The following MED12L variants were observed in gnomAD, a reference collection of about 807,000 sequenced individuals.
The protein encoded by MED12L is mediator complex subunit 12L.
MED12L carries 60 observed loss-of-function variants against 281.3 expected under a neutral mutation model. The observed-to-expected ratio is 0.21, with a 90% CI of 0.17 to 0.26. The LOEUF (loss-of-function observed/expected upper bound fraction) is 0.26, where lower values mean the gene tolerates loss of function less well. Among genes scored for constraint, MED12L ranks in the 10% least tolerant of loss-of-function variants. The probability of loss-of-function intolerance (pLI) is 1.00; values close to 1 mark genes in which losing one functional copy is unlikely to be tolerated. For synonymous variants in MED12L, 974 were observed against 987.2 expected (o/e 0.99, Z 0.25); for missense variants, 2,146 against 2,680.9 (o/e 0.80, Z 4.41).
chr3:151,193,849 G>T, intron 16 of MED12L, 183 bp downstream of exon 16: 1 of 472,578 alleles, frequency 2.1e-6, no homozygotes, highest in Non-Finnish European at 3.7e-6. Context: ...GTCCGAATTT[G>T]TAGTGATATT....
intron 16 of MED12L, among the ~76,000 whole-genome samples, chr3:151,347,724 AT>A (rs1752704595): frequency 6.6e-6 from 1 of 152,192 alleles, no homozygotes; most frequent in Non-Finnish European, 1.5e-5. Flanking sequence ...TAGCATGTGA[AT>A]TAACAGTAGT....
chr3:151,305,170 C>G (rs1001585326), intron 16 of MED12L, among the ~76,000 whole-genome samples: 1 of 152,156 alleles, frequency 6.6e-6, no homozygotes, highest in African/African-American at 2.4e-5. Context: ...CAGGGTGTTG[C>G]AAGGAAGATT....
intron 2 of MED12L, among the ~76,000 whole-genome samples, chr3:151,115,721 C>CT (rs1407826898): frequency 6.6e-5 from 10 of 151,526 alleles, no homozygotes; most frequent in African/African-American, 2.4e-4. Flanking sequence ...CTTTTTCTAA[C>CT]TTATAAGTAA....
intron 36 of MED12L, among the ~76,000 whole-genome samples, chr3:151,386,776 A>ATC (rs1402385061): frequency 5.9e-5 from 9 of 151,902 alleles, no homozygotes; most frequent in African/African-American, 2.2e-4. Flanking sequence ...GAGTTTCACC[A>ATC]TCTTGGCCAG....
chr3:151,178,181 A>AAAAAAAAAAAG lies in MED12L; in HGVS notation c.1495-7146_1495-7145insAAAAAAAGAAA, dbSNP rs1560124057. Among the ~76,000 whole-genome samples, 82 of 149,410 alleles carry AAAAAAAAAAAG rather than the reference A, an allele frequency of 5.5e-4. 1 individual carries two copies. Among genetic ancestry groups the AAAAAAAAAAAG allele is most frequent in the African/African-American group, 2.0e-3 (80 of 39,744 alleles). ...TCAAAAAAAAAAAAAAAAAAAAAAA[A>AAAAAAAAAAAG]AAAGAAAGTGCCAATATGAAAAGCT... On this transcript the variant is annotated intron_variant, in intron 11 of 44. Coordinates refer to ENST00000687756, the MANE Select transcript of MED12L (RefSeq NM_001393769.1).
intron 16 of MED12L, among the ~76,000 whole-genome samples, chr3:151,247,085 T>C (rs1012066262): frequency 3.3e-5 from 5 of 152,210 alleles, no homozygotes; most frequent in East Asian, 1.9e-4. Context: ...ACCAGTTAGA[T>C]TGGCAATAAT....
chr3:151,216,579 G>A (rs1728273373), intron 16 of MED12L, among the ~76,000 whole-genome samples: 1 of 152,104 alleles, frequency 6.6e-6, no homozygotes, highest in Non-Finnish European at 1.5e-5. Context: ...TGATAGACTT[G>A]ATTTTGCCAG....
At chr3:151,281,626 T>C (rs1455462537) in intron 16 of MED12L, among the ~76,000 whole-genome samples, 2 of 152,150 alleles carry the variant, frequency 1.3e-5, no homozygotes, top group Non-Finnish European at 2.9e-5. Flanking sequence ...GTGTTTTGAT[T>C]TATGCTAAAT....
chr3:151,355,071 G>C (rs532506798), intron 17 of MED12L, 50 bp from the exon 18 acceptor site: 15 of 1,368,992 alleles, frequency 1.1e-5, no homozygotes, highest in Non-Finnish European at 1.6e-5. Flanking sequence ...TAAAAATGTC[G>C]AGAGCTTCTA....
intron 16 of MED12L, among the ~76,000 whole-genome samples, chr3:151,243,607 C>T (rs1734716907): frequency 6.6e-6 from 1 of 151,712 alleles, no homozygotes; most frequent in Non-Finnish European, 1.5e-5. Flanking sequence ...AAAAGAGCTC[C>T]TGAAGGAAGC....
At chr3:151,277,759 G>A (rs981127528) in intron 16 of MED12L, among the ~76,000 whole-genome samples, 1 of 152,130 alleles carries the variant, frequency 6.6e-6, no homozygotes, top group Non-Finnish European at 1.5e-5. Context: ...CAATTTAAAG[G>A]CATTTTATTT....
At chr3:151,328,550 A>G in intron 16 of MED12L, 3 of 1,613,896 alleles carry the variant, frequency 1.9e-6, no homozygotes, top group Non-Finnish European at 2.5e-6. Context: ...GAACAAAAAG[A>G]ACCAGATGAA....
At position 151,226,878 on chromosome 3, in the gene MED12L, G is replaced by A. The variant is rs78209248; in HGVS notation, c.2250+33212G>A. 5.7e-3 allele frequency among the ~76,000 whole-genome samples: 871 copies of A among 152,274 alleles called. 13 individuals are homozygous for A. Among genetic ancestry groups the A allele is most frequent in the African/African-American group, 0.02 (829 of 41,540 alleles). On this transcript the variant is annotated intron_variant, in intron 16 of 44. Transcript: ENST00000687756. ...ATACAGAGTCGGACTATCATGAATG[G>A]TGATTACAACAGGTAACGTTAACCT...
chr3:151,301,663 A>G (rs1187819805), intron 16 of MED12L, among the ~76,000 whole-genome samples: 1 of 152,228 alleles, frequency 6.6e-6, no homozygotes, highest in Non-Finnish European at 1.5e-5. Context: ...GAACATCATC[A>G]GTCAGTAGGG....
chr3:151,299,486 C>T (rs936055258), intron 16 of MED12L, among the ~76,000 whole-genome samples: 2 of 139,020 alleles, frequency 1.4e-5, no homozygotes, highest in African/African-American at 2.7e-5. Flanking sequence ...TCCTTTCTTC[C>T]TTTTTTTTCT....
chr3:151,358,301 G>T (rs1291772251), intron 20 of MED12L, among the ~76,000 whole-genome samples: 1 of 152,086 alleles, frequency 6.6e-6, no homozygotes, highest in Non-Finnish European at 1.5e-5. Context: ...TCAGGAAATA[G>T]AGAATTATTT....
intron 16 of MED12L, among the ~76,000 whole-genome samples, chr3:151,349,038 T>G (rs1041400322): frequency 1.8e-4 from 28 of 152,166 alleles, no homozygotes; most frequent in African/African-American, 6.5e-4. Flanking sequence ...AAAATATACA[T>G]AGAGTAAGAA....
chr3:151,112,768 C>T (rs1317072965), intron 2 of MED12L, among the ~76,000 whole-genome samples: 4 of 151,896 alleles, frequency 2.6e-5, no homozygotes, highest in Non-Finnish European at 4.4e-5. Context: ...GTTGAGTGCC[C>T]CTACTCTGGG....
intron 16 of MED12L, among the ~76,000 whole-genome samples, chr3:151,335,050 A>G (rs1239915580): frequency 6.6e-6 from 1 of 152,146 alleles, no homozygotes; most frequent in Admixed American, 6.5e-5. Flanking sequence ...TACACGTGAT[A>G]TTTCATGTAA....
Sources: allele counts gnomAD v4.1 joint callset (sites outside exome capture counted in the v4.1 genomes callset), GRCh38; gene constraint gnomAD v4.1.1; transcripts MANE v1.5; gene names NCBI Gene and HGNC (gene_info 2026-07-23, HGNC 2026-07-21).